Variants in ADAMTS16 observed in about 807,000 individuals in gnomAD.
ADAMTS16 encodes the protein A disintegrin and metalloproteinase with thrombospondin motifs 16.
In ADAMTS16, 94 loss-of-function variants were observed where a neutral mutation model predicts 145.8. That is an observed-to-expected ratio of 0.64 (90% CI 0.55 to 0.77). The LOEUF (loss-of-function observed/expected upper bound fraction) is 0.77. Among genes scored for constraint, ADAMTS16 ranks in the 30% least tolerant of loss-of-function variants. The pLI, the probability that ADAMTS16 is intolerant of heterozygous loss-of-function variation, is 0.00. For missense variants in ADAMTS16, 1,585 were observed against 1,591.5 expected, an observed-to-expected ratio of 1.00 and a Z score of 0.07; for synonymous variants, 659 against 604.3, an observed-to-expected ratio of 1.09 and a Z score of -1.33.
intron 3 of ADAMTS16, among the ~76,000 whole-genome samples, chr5:5,181,262 A>T (rs902262589): frequency 2.6e-5 from 4 of 152,114 alleles, no homozygotes; most frequent in African/African-American, 9.7e-5. Flanking sequence ...CTGCCTCCTG[A>T]GTGGGGCCTC....
At chr5:5,189,220 C>T (rs1735591698) in intron 6 of ADAMTS16, among the ~76,000 whole-genome samples, 1 of 152,324 alleles carries the variant, frequency 6.6e-6, no homozygotes, top group Non-Finnish European at 1.5e-5. Flanking sequence ...CCATAGGAAA[C>T]TAGAGCATGC....
In ADAMTS16 at chr5:5,140,330, A is replaced by T; in HGVS notation, c.-138A>T. ...CGCCCCCCGCGCCGCACGGAGCTTCAGTAATAACCCCGGCGCGGCGGCGGA... is the reference window on the plus strand; with the variant it reads ...CGCCCCCCGCGCCGCACGGAGCTTCTGTAATAACCCCGGCGCGGCGGCGGA... On this transcript the variant is annotated 5_prime_UTR_variant, in exon 1 of 23. Transcript: ENST00000274181. 1.2e-6 allele frequency: 1 copy of T among 852,336 alleles called. No individual in the cohort carries two copies. The highest frequency in any genetic ancestry group is 1.6e-6 in the Non-Finnish European group (1 of 607,094). 52.8% of individuals were successfully genotyped at this position (852,336 alleles called of 1,614,324 possible). A position where few individuals can be genotyped will look rare whatever the true frequency, so the allele number is the denominator to read the frequency against.
intron 3 of ADAMTS16, 68 bp from the exon 4 acceptor site, chr5:5,181,976 G>T (rs1006116210): frequency 2.0e-6 from 3 of 1,494,220 alleles, no homozygotes; most frequent in East Asian, 4.6e-5. Flanking sequence ...GCAATGCTTG[G>T]AGAATCGGCC....
rs1579321596 is a variant in ADAMTS16 at position 5,222,867 on chromosome 5, A to G, written c.1684A>G (p.Ile562Val). The change falls in exon 11 of 23, where the codon ATT becomes GTT. Residue 562 changes from isoleucine to valine, a missense_variant. By Grantham distance (29) the Ile-to-Val change is conservative. This residue lies in a region of ADAMTS16 where 298 missense variants were observed against 367.6 expected (regional missense o/e 0.81). Transcript: ENST00000274181. ...ATTTATGCCAGCAGCAGAAGGCACA[A>G]TTTGTGGGCATGACATGGTAAGAAG... ...TKFMPAAEGT[I>V]CGHDMWCRGG... 6.2e-7 allele frequency: 1 copy of G among 1,614,156 alleles called. No individual in the cohort carries two copies. Among genetic ancestry groups the G allele is most frequent in the Non-Finnish European group, 8.5e-7 (1 of 1,179,986 alleles).
intron 3 of ADAMTS16, among the ~76,000 whole-genome samples, chr5:5,169,196 G>A (rs1486837338): frequency 6.6e-6 from 1 of 152,092 alleles, no homozygotes; most frequent in East Asian, 1.9e-4. Context: ...TAGATGACAG[G>A]CTCAGTAAAT....
At chr5:5,265,454 GAGGC>G (rs1579356611) in intron 18 of ADAMTS16, among the ~76,000 whole-genome samples, 1 of 152,216 alleles carries the variant, frequency 6.6e-6, no homozygotes, top group East Asian at 1.9e-4. Context: ...TCATAGAAGT[GAGGC>G]TCCCACCTTC....
In ADAMTS16 at chr5:5,185,999, T is replaced by C. The variant is rs1157595883; in HGVS notation, c.764-53T>C. ...ATTTCTCTATGACGAGTTACGGCCCTGATTTTGTGTGTGACTTGTGCTTCC... is the reference window on the plus strand; with the variant it reads ...ATTTCTCTATGACGAGTTACGGCCCCGATTTTGTGTGTGACTTGTGCTTCC... On this transcript the variant is annotated intron_variant, in intron 4 of 22. Transcript: ENST00000274181. 4.0e-6 allele frequency: 6 copies of C among 1,510,864 alleles called. No homozygotes were observed. The East Asian group carries it at 1.4e-4, about 34-fold the overall frequency. 93.6% of individuals were successfully genotyped at this position (1,510,864 alleles called of 1,614,324 possible).
chr5:5,233,825 G>A (rs1311418458), intron 12 of ADAMTS16, among the ~76,000 whole-genome samples: 2 of 152,160 alleles, frequency 1.3e-5, no homozygotes, highest in Non-Finnish European at 2.9e-5. Context: ...TGTCTTTATG[G>A]TAGAATGATT....
chr5:5,298,040 G>C (rs1278346695), intron 18 of ADAMTS16, among the ~76,000 whole-genome samples: 1 of 152,178 alleles, frequency 6.6e-6, no homozygotes, highest in Non-Finnish European at 1.5e-5. Flanking sequence ...TGAAAAACCA[G>C]ACTAGACCCT....
At chr5:5,262,559 C>T (rs1560975094) in intron 17 of ADAMTS16, 98 bp from the exon 18 acceptor site, 5 of 1,508,558 alleles carry the variant, frequency 3.3e-6, no homozygotes, top group Non-Finnish European at 3.6e-6. Context: ...GCCAGTATGG[C>T]TAAGATTCTT....
intron 13 of ADAMTS16, 131 bp from the exon 14 acceptor site, chr5:5,236,838 C>A: frequency 1.8e-6 from 2 of 1,133,582 alleles, no homozygotes; most frequent in South Asian, 2.0e-5. Context: ...TTAAAAATGC[C>A]ATTGTAATGT....
chr5:5,239,617 CT>C, intron 15 of ADAMTS16, 63 bp from the exon 16 acceptor site: 1 of 1,593,934 alleles, frequency 6.3e-7, no homozygotes, highest in Non-Finnish European at 8.6e-7. Context: ...ACTGGGGTTG[CT>C]TAGAGATTTT....
chr5:5,235,106 G>C lies in ADAMTS16; in HGVS notation c.1943G>C (p.Arg648Pro), dbSNP rs375485579. 4 of 1,605,746 alleles carry C rather than the reference G, an allele frequency of 2.5e-6. No individual in the cohort carries two copies. Among genetic ancestry groups the C allele is most frequent in the Middle Eastern group, 1.7e-4 (1 of 6,054 alleles). ...QKCPRDSVDF[R>P]AAQCAEHNSR... ...TGTCCCCGGGACAGTGTTGACTTCC[G>C]TGCTGCTCAGTGTGCCGAGCACAAC... The change falls in exon 13 of 23, where the codon CGT becomes CCT. Residue 648 changes from arginine to proline, a missense_variant. Coordinates refer to ENST00000274181, the MANE Select transcript of ADAMTS16 (RefSeq NM_139056.4).
chr5:5,261,224 T>G (rs548407031), intron 17 of ADAMTS16, among the ~76,000 whole-genome samples: 1 of 152,058 alleles, frequency 6.6e-6, no homozygotes, highest in South Asian at 2.1e-4. Flanking sequence ...CACTGCAGCC[T>G]CTACCTTCCA....
At chr5:5,307,345 C>T (rs540916166) in intron 21 of ADAMTS16, among the ~76,000 whole-genome samples, 2 of 152,270 alleles carry the variant, frequency 1.3e-5, no homozygotes, top group South Asian at 2.1e-4. Flanking sequence ...TGTGGCTGCC[C>T]GGTAGAGAGG....
intron 21 of ADAMTS16, among the ~76,000 whole-genome samples, chr5:5,314,062 G>A (rs891125537): frequency 3.9e-5 from 6 of 152,178 alleles, no homozygotes; most frequent in African/African-American, 4.8e-5. Flanking sequence ...TCACAACGTC[G>A]GTTATGTGGA....
intron 17 of ADAMTS16, among the ~76,000 whole-genome samples, chr5:5,251,332 A>G (rs144590832): frequency 6.6e-6 from 1 of 152,296 alleles, no homozygotes; most frequent in Non-Finnish European, 1.5e-5. Flanking sequence ...CTTAGGTATG[A>G]GCATGAACAG....
At chr5:5,263,426 C>G (rs1738108094) in intron 18 of ADAMTS16, among the ~76,000 whole-genome samples, 1 of 152,272 alleles carries the variant, frequency 6.6e-6, no homozygotes, top group Non-Finnish European at 1.5e-5. Flanking sequence ...TTTTCTTCAT[C>G]TTTACATGGG....
chr5:5,222,254 G>A lies in ADAMTS16; in HGVS notation c.1606-535G>A, dbSNP rs141617819. Among the ~76,000 whole-genome samples the A allele has an allele frequency of 2.4e-3, 364 of 152,258 alleles. 3 individuals carry two copies. Among genetic ancestry groups the A allele is most frequent in the African/African-American group, 8.3e-3 (344 of 41,550 alleles). On this transcript the variant is annotated intron_variant, in intron 10 of 22. Coordinates refer to ENST00000274181, the MANE Select transcript of ADAMTS16 (RefSeq NM_139056.4). Reference sequence around the variant, plus strand: ...TGTTCACAATGGAACCTCTTGCCTGGCAAGATGCCTCACATATTTTAAGCC... The same window carrying A: ...TGTTCACAATGGAACCTCTTGCCTGACAAGATGCCTCACATATTTTAAGCC...
Sources: allele counts gnomAD v4.1 joint callset (sites outside exome capture counted in the v4.1 genomes callset), GRCh38; gene constraint gnomAD v4.1.1; regional missense constraint gnomAD v4.1.1; transcripts MANE v1.5; gene names NCBI Gene and HGNC (gene_info 2026-07-23, HGNC 2026-07-21).